Variants in GRM3 observed in about 807,000 individuals in gnomAD.
GRM3 encodes the protein glutamate metabotropic receptor 3, also known as metabotropic glutamate receptor 3.
Under a neutral mutation model 70.5 loss-of-function variants are expected in GRM3, and 26 were observed. The ratio of observed to expected loss-of-function variants is 0.37; its 90% CI spans 0.27 to 0.51. The LOEUF (loss-of-function observed/expected upper bound fraction) is 0.51, where lower values mean the gene tolerates loss of function less well. Ranked by LOEUF, GRM3 falls within the 20% of genes least tolerant of loss-of-function variation. The pLI is 0.93. For synonymous variants in GRM3, 443 were observed against 434.9 expected (o/e 1.02, Z -0.23); for missense variants, 859 against 1,123.8 (o/e 0.76, Z 3.37).
At chr7:86,856,499 C>T (rs1798850028) in intron 5 of GRM3, among the ~76,000 whole-genome samples, 1 of 150,492 alleles carries the variant, frequency 6.6e-6, no homozygotes, top group Non-Finnish European at 1.5e-5. Context: ...CTATTGGGTA[C>T]TGGGCTTATT....
At chr7:86,717,617 C>A (rs1043977292) in intron 1 of GRM3, among the ~76,000 whole-genome samples, 2 of 151,890 alleles carry the variant, frequency 1.3e-5, no homozygotes, top group African/African-American at 4.8e-5. Flanking sequence ...AGAAATGATG[C>A]AGATGGTAGC....
At chr7:86,773,729 C>G (rs974743631) in intron 2 of GRM3, among the ~76,000 whole-genome samples, 2 of 152,104 alleles carry the variant, frequency 1.3e-5, no homozygotes, top group Non-Finnish European at 2.9e-5. Context: ...GAGGGAGGCA[C>G]CAGCAACAGC....
At chr7:86,736,516 G>A (rs1201781833) in intron 1 of GRM3, among the ~76,000 whole-genome samples, 1 of 152,124 alleles carries the variant, frequency 6.6e-6, no homozygotes, top group Non-Finnish European at 1.5e-5. Flanking sequence ...GTGCTCTGTT[G>A]CCCAGGCTGG....
intron 1 of GRM3, among the ~76,000 whole-genome samples, chr7:86,758,776 A>AT (rs937785698): frequency 3.9e-5 from 6 of 152,096 alleles, no homozygotes; most frequent in Non-Finnish European, 8.8e-5. Context: ...TGTGATTTTT[A>AT]TTTTTTAATT....
At chr7:86,727,712 G>T (rs1795623545) in intron 1 of GRM3, among the ~76,000 whole-genome samples, 1 of 152,176 alleles carries the variant, frequency 6.6e-6, no homozygotes, top group Admixed American at 6.5e-5. Flanking sequence ...AGAAGATTCA[G>T]TGAGAACTTA....
chr7:86,690,284 A>C lies in GRM3; in HGVS notation c.-141+45412A>C, dbSNP rs1346112896. ...CATGTAGAAGCAAAAGGAGTGGAAC[A>C]GATGAATTTGGTGAGGAAGGTGAGG... On this transcript the variant is annotated intron_variant, in intron 1 of 5. Coordinates refer to ENST00000361669, the MANE Select transcript of GRM3 (RefSeq NM_000840.3). Among the ~76,000 whole-genome samples the C allele has an allele frequency of 2.0e-5, 3 of 152,140 alleles. No homozygotes were observed. The East Asian group carries it at 5.8e-4, about 29-fold the overall frequency.
chr7:86,703,735 C>A (rs1019459749), intron 1 of GRM3, among the ~76,000 whole-genome samples: 1 of 151,914 alleles, frequency 6.6e-6, no homozygotes, highest in African/African-American at 2.4e-5. Context: ...GGAAAGTTGA[C>A]GGCACAGTCA....
At chr7:86,669,427 C>A (rs1379392615) in intron 1 of GRM3, among the ~76,000 whole-genome samples, 3 of 152,176 alleles carry the variant, frequency 2.0e-5, no homozygotes, top group Non-Finnish European at 4.4e-5. Context: ...ATAATCATGT[C>A]TCTTTTTCTG....
At chr7:86,744,034 T>G (rs1047736830) in intron 1 of GRM3, among the ~76,000 whole-genome samples, 6 of 152,074 alleles carry the variant, frequency 3.9e-5, no homozygotes, top group Non-Finnish European at 8.8e-5. Flanking sequence ...AAAACAGAGA[T>G]GCCAAGAGCT....
At chr7:86,857,105 G>C in intron 5 of GRM3, among the ~76,000 whole-genome samples, 1 of 151,126 alleles carries the variant, frequency 6.6e-6, no homozygotes, top group East Asian at 1.9e-4. Context: ...CTGACAATGA[G>C]AATGTTAGCA....
Position 86,786,646 on chromosome 7 carries a change from T to C in GRM3, c.854T>C (p.Ile285Thr). 1 of 1,612,050 alleles carries C rather than the reference T, an allele frequency of 6.2e-7. No homozygotes were observed. Among genetic ancestry groups the C allele is most frequent in the Non-Finnish European group, 8.5e-7 (1 of 1,179,844 alleles). The change falls in exon 3 of 6, where the codon ATT becomes ACT. Residue 285 changes from isoleucine (I) to threonine (T), a missense_variant. Physicochemically the swap from Ile to Thr is moderately conservative, Grantham distance 89. Coordinates refer to ENST00000361669, the MANE Select transcript of GRM3 (RefSeq NM_000840.3). The surrounding 1 kb of genome is among the most constrained non-coding windows in gnomAD (Gnocchi z 6.0). ...FMRSDDSREL[I>T]AAASRANASF... ...CGCAGCGACGACTCGCGGGAGCTCA[T>C]TGCAGCCGCCAGCCGCGCCAATGCC...
At chr7:86,774,495 C>T (rs1373408782) in intron 2 of GRM3, among the ~76,000 whole-genome samples, 1 of 152,038 alleles carries the variant, frequency 6.6e-6, no homozygotes, top group East Asian at 1.9e-4. Flanking sequence ...TTACTAGTAA[C>T]AAAGTTTTGA....
intron 1 of GRM3, among the ~76,000 whole-genome samples, chr7:86,731,857 A>G (rs959069384): frequency 6.6e-6 from 1 of 152,100 alleles, no homozygotes; most frequent in Admixed American, 6.6e-5. Flanking sequence ...CCCACATCTT[A>G]ATTTTTTTTT....
intron 5 of GRM3, among the ~76,000 whole-genome samples, chr7:86,853,469 C>A (rs1798791998): frequency 6.6e-6 from 1 of 152,148 alleles, no homozygotes; most frequent in South Asian, 2.1e-4. Flanking sequence ...CTCCTAAATA[C>A]TTGGAAGTAT....
chr7:86,836,276 T>C (rs1360762215), intron 3 of GRM3, among the ~76,000 whole-genome samples: 2 of 152,076 alleles, frequency 1.3e-5, no homozygotes, highest in Non-Finnish European at 2.9e-5. Context: ...GACCCAACAG[T>C]TTTTCTTCTA....
In GRM3 at chr7:86,786,056, C is replaced by G. The variant is rs559371484; in HGVS notation, c.469-205C>G. 3.3e-6 allele frequency: 2 copies of G among 604,524 alleles called. No individual in the cohort carries two copies. Among genetic ancestry groups the G allele is most frequent in the Non-Finnish European group, 6.0e-6 (2 of 334,196 alleles). 37.4% of individuals were successfully genotyped at this position (604,524 alleles called of 1,614,324 possible). A position where few individuals can be genotyped will look rare whatever the true frequency, so the allele number is the denominator to read the frequency against. On this transcript the variant is annotated intron_variant, in intron 2 of 5. Coordinates refer to ENST00000361669, the MANE Select transcript of GRM3 (RefSeq NM_000840.3). The surrounding 1 kb of genome is among the most constrained non-coding windows in gnomAD (Gnocchi z 6.0). The stretch of plus-strand genomic sequence containing the variant: ...CTGCCCTTTCCTGAAGCACACACTA[C>G]CTGTGTGAGACCTGCTTCCTAGTGT...
At chr7:86,679,753 C>G (rs1266229050) in intron 1 of GRM3, among the ~76,000 whole-genome samples, 3 of 151,964 alleles carry the variant, frequency 2.0e-5, no homozygotes, top group African/African-American at 7.2e-5. Flanking sequence ...TTCCCCACAG[C>G]TCATACTTTA....
chr7:86,819,959 A>G (rs1798087151), intron 3 of GRM3, among the ~76,000 whole-genome samples: 1 of 152,150 alleles, frequency 6.6e-6, no homozygotes, highest in African/African-American at 2.4e-5. Flanking sequence ...TATCCTTTCT[A>G]CCTTTCCAAA....
At position 86,839,282 on chromosome 7, in the gene GRM3, T is replaced by C; in HGVS notation, c.1768T>C (p.Cys590Arg). ...PVTIACLGFMCTCMVVTVFIK... is the reference protein window; with the variant it reads ...PVTIACLGFMRTCMVVTVFIK... ...CACCATTGCCTGTCTGGGTTTTATG[T>C]GTACATGCATGGTTGTAACTGTTTT... Residue 590 changes from cysteine to arginine, a missense_variant, in exon 4 of 6, where the codon TGT (cysteine) becomes CGT (arginine). Cys to Arg is a radical substitution (Grantham distance 180, BLOSUM62 -3). Coordinates refer to ENST00000361669, the MANE Select transcript of GRM3 (RefSeq NM_000840.3). This position sits in a 1 kb window ranked among gnomAD's most constrained non-coding sequence, Gnocchi z 4.5. 1 of 1,613,636 alleles carries C rather than the reference T, an allele frequency of 6.2e-7. No individual in the cohort carries two copies.
Sources: allele counts gnomAD v4.1 joint callset (sites outside exome capture counted in the v4.1 genomes callset), GRCh38; gene constraint gnomAD v4.1.1; non-coding constraint Gnocchi (gnomAD v3.1); transcripts MANE v1.5; gene names NCBI Gene and HGNC (gene_info 2026-07-23, HGNC 2026-07-21).